TMEM132D: variants seen among roughly 807,000 people sequenced by gnomAD.
TMEM132D encodes the protein mature OL transmembrane protein.
In TMEM132D, 21 loss-of-function variants were observed where a neutral mutation model predicts 62.3. That is an observed-to-expected ratio of 0.34 (90% CI 0.24 to 0.49). TMEM132D has a LOEUF of 0.49. Among genes scored for constraint, TMEM132D ranks in the 20% least tolerant of loss-of-function variants. The probability of loss-of-function intolerance (pLI) is 0.99; values close to 1 mark genes in which losing one functional copy is unlikely to be tolerated. For missense variants in TMEM132D, 1,346 were observed against 1,402.8 expected (o/e 0.96, Z 0.65); for synonymous variants, 621 against 575.6 (o/e 1.08, Z -1.13).
At chr12:129,318,836 T>C (rs1868576829) in intron 4 of TMEM132D, among the ~76,000 whole-genome samples, 2 of 152,062 alleles carry the variant, frequency 1.3e-5, no homozygotes, top group Non-Finnish European at 2.9e-5. Flanking sequence ...TTCCCAATTA[T>C]TGGAGTTGTG....
At position 129,072,436 on chromosome 12, in the gene TMEM132D, C is replaced by T. The variant is rs1316376840; in HGVS notation, c.*1439G>A. On this transcript the variant is annotated 3_prime_UTR_variant, in exon 9 of 9. Coordinates refer to ENST00000422113, the MANE Select transcript of TMEM132D (RefSeq NM_133448.3). ...GGAATTCTCTGATGTATCCTTGCCC[C>T]CATCTTCATAGGCTTCATAAGTGAA... 1 of 152,496 alleles carries T rather than the reference C, an allele frequency of 6.6e-6. No individual in the cohort carries two copies. The highest frequency in any genetic ancestry group is 2.1e-4 in the South Asian group (1 of 4,824). The allele number at this position is 152,496 out of a possible 1,614,324, so 9.4% of individuals were successfully genotyped here.
intron 5 of TMEM132D, among the ~76,000 whole-genome samples, chr12:129,127,299 A>G (rs1876243841): frequency 6.6e-6 from 1 of 152,178 alleles, no homozygotes; most frequent in African/African-American, 2.4e-5. Context: ...TGCGCAAACA[A>G]ACATTTGATA....
intron 3 of TMEM132D, among the ~76,000 whole-genome samples, chr12:129,512,458 G>A (rs776416628): frequency 6.6e-6 from 1 of 152,132 alleles, no homozygotes; most frequent in Non-Finnish European, 1.5e-5. Flanking sequence ...GCACAGAGAC[G>A]AACAAGATGA....
Position 129,694,729 on chromosome 12 carries a change from C to A in TMEM132D, c.968+5081G>T, listed in dbSNP as rs112784857. Among the ~76,000 whole-genome samples, 953 of 152,324 alleles carry A rather than the reference C, an allele frequency of 6.3e-3. 11 individuals are homozygous for A. The highest frequency in any genetic ancestry group is 0.022 in the African/African-American group (915 of 41,580). ...TTTTGGTCTATAAATGTGTTCTGGG[C>A]CGGGCACAGTGGCTCACGCCTGTAA... is the stretch of plus-strand genomic sequence containing the variant. On this transcript the variant is annotated intron_variant, in intron 2 of 8. Transcript: ENST00000422113.
At chr12:129,458,757 G>A (rs942221783) in intron 3 of TMEM132D, among the ~76,000 whole-genome samples, 3 of 152,262 alleles carry the variant, frequency 2.0e-5, no homozygotes, top group African/African-American at 7.2e-5. Context: ...ATATTCGGCC[G>A]ATGCGCCGAA....
chr12:129,290,422 C>T (rs1036112992), intron 4 of TMEM132D, among the ~76,000 whole-genome samples: 9 of 152,124 alleles, frequency 5.9e-5, no homozygotes, highest in African/African-American at 2.2e-4. Context: ...CTAATTAACA[C>T]ACCTGAGCTG....
intron 5 of TMEM132D, among the ~76,000 whole-genome samples, chr12:129,146,840 T>C (rs1054169002): frequency 6.6e-6 from 1 of 152,154 alleles, no homozygotes; most frequent in African/African-American, 2.4e-5. Flanking sequence ...TGGGTTAACT[T>C]GAGCCACACA....
chr12:129,098,489 T>C (rs1215782545), intron 5 of TMEM132D, among the ~76,000 whole-genome samples: 1 of 152,154 alleles, frequency 6.6e-6, no homozygotes, highest in Non-Finnish European at 1.5e-5. Flanking sequence ...TTTTCTAGGG[T>C]CTCTACCAAG....
At chr12:129,816,081 C>T (rs1412558077) in intron 1 of TMEM132D, among the ~76,000 whole-genome samples, 1 of 152,212 alleles carries the variant, frequency 6.6e-6, no homozygotes, top group Non-Finnish European at 1.5e-5. Context: ...ATGGTGTGCA[C>T]TTGCCTGTCA....
intron 1 of TMEM132D, among the ~76,000 whole-genome samples, chr12:129,738,407 G>T (rs958332993): frequency 2.0e-5 from 3 of 152,146 alleles, no homozygotes; most frequent in Non-Finnish European, 2.9e-5. Flanking sequence ...AAGGAAAAAA[G>T]GAAGAAAGGA....
At chr12:129,302,241 A>G (rs1881734224) in intron 4 of TMEM132D, among the ~76,000 whole-genome samples, 1 of 152,144 alleles carries the variant, frequency 6.6e-6, no homozygotes, top group African/African-American at 2.4e-5. Flanking sequence ...CAGCCTCCTG[A>G]GTAGCTGGGA....
chr12:129,763,898 G>A (rs1565977561), intron 1 of TMEM132D, among the ~76,000 whole-genome samples: 1 of 152,180 alleles, frequency 6.6e-6, no homozygotes, highest in Non-Finnish European at 1.5e-5. Context: ...TAAGAATCGA[G>A]AGGTGCCCTG....
chr12:129,688,159 G>A (rs1051264474), intron 2 of TMEM132D, among the ~76,000 whole-genome samples: 2 of 152,122 alleles, frequency 1.3e-5, no homozygotes, highest in Admixed American at 1.3e-4. Flanking sequence ...GTGCAAAGAG[G>A]CTGTGCATAT....
intron 4 of TMEM132D, among the ~76,000 whole-genome samples, chr12:129,216,411 AT>A (rs1175645076): frequency 1.3e-5 from 2 of 152,216 alleles, no homozygotes; most frequent in Non-Finnish European, 2.9e-5. Flanking sequence ...TTAAGGTGGG[AT>A]TGTGGGTGTC....
At chr12:129,226,255 C>G (rs1350221724) in intron 4 of TMEM132D, among the ~76,000 whole-genome samples, 1 of 152,196 alleles carries the variant, frequency 6.6e-6, no homozygotes, top group Non-Finnish European at 1.5e-5. Flanking sequence ...CGCCTTCATT[C>G]CTATGCAAAT....
At chr12:129,105,174 A>G (rs1875452867) in intron 5 of TMEM132D, among the ~76,000 whole-genome samples, 1 of 113,396 alleles carries the variant, frequency 8.8e-6, no homozygotes, top group African/African-American at 3.4e-5. Flanking sequence ...CTGGATTAAG[A>G]AAATGTGGCA....
intron 4 of TMEM132D, among the ~76,000 whole-genome samples, chr12:129,287,096 G>A (rs1293016519): frequency 6.6e-6 from 1 of 151,778 alleles, no homozygotes; most frequent in East Asian, 1.9e-4. Context: ...AGCAATGGCT[G>A]ATTCCAGCCT....
At chr12:129,770,138 T>TG (rs1565979654) in intron 1 of TMEM132D, among the ~76,000 whole-genome samples, 2 of 68,176 alleles carry the variant, frequency 2.9e-5, no homozygotes, top group Admixed American at 2.0e-4. Context: ...TGGGTTTTTT[T>TG]GGTTGTTTTT....
intron 4 of TMEM132D, among the ~76,000 whole-genome samples, chr12:129,246,774 A>T (rs967326474): frequency 2.1e-4 from 32 of 152,142 alleles, no homozygotes; most frequent in Non-Finnish European, 4.0e-4. Flanking sequence ...TCAAAAAAAA[A>T]AAAAAGATAG....
Sources: gnomAD v4.1 joint callset for allele counts (sites outside exome capture counted in the v4.1 genomes callset) on GRCh38, gnomAD v4.1.1 for gene constraint, MANE v1.5 for transcripts, NCBI Gene and HGNC (gene_info 2026-07-23, HGNC 2026-07-21) for gene names.